The following DNAI4 variants were observed in gnomAD, a reference collection of about 807,000 sequenced individuals.
DNAI4 encodes dynein axonemal intermediate chain 4.
In DNAI4, 85 loss-of-function variants were observed where a neutral mutation model predicts 105.8. The observed-to-expected ratio is 0.80, with a 90% CI of 0.67 to 0.96. DNAI4 has a LOEUF of 0.96. Ranked by LOEUF, DNAI4 falls within the 40% of genes least tolerant of loss-of-function variation. The pLI, the probability that DNAI4 is intolerant of heterozygous loss-of-function variation, is 0.00. For synonymous variants in DNAI4, 352 were observed against 331.5 expected, an observed-to-expected ratio of 1.06 and a Z score of -0.67; for missense variants, 1,014 against 1,005.6, an observed-to-expected ratio of 1.01 and a Z score of -0.11.
chr1:66,890,848 GGAAGAA>G lies in DNAI4; in HGVS notation c.643+300_643+305del, dbSNP rs1250735436. On this transcript the variant is annotated intron_variant, in intron 4 of 16. Coordinates refer to ENST00000371026, the MANE Select transcript of DNAI4 (RefSeq NM_024763.5). The surrounding 1 kb of genome is among the most constrained non-coding windows in gnomAD (Gnocchi z 4.1). ...AAGAGGAAGAGGAAGAAAAGGAAGA[GGAAGAA>G]GAAGAGGAAGAGGAAGAAGAAGAAG... 3 of 353,164 alleles carry G rather than the reference GGAAGAA, an allele frequency of 8.5e-6. No individual in the cohort carries two copies. Among genetic ancestry groups the G allele is most frequent in the African/African-American group, 2.7e-5 (1 of 37,686 alleles). 21.9% of individuals were successfully genotyped at this position (353,164 alleles called of 1,614,324 possible). A position where few individuals can be genotyped will look rare whatever the true frequency, so the allele number is the denominator to read the frequency against.
intron 1 of DNAI4, among the ~76,000 whole-genome samples, chr1:66,916,332 T>G (rs1269872746): frequency 6.6e-6 from 1 of 152,228 alleles, no homozygotes; most frequent in African/African-American, 2.4e-5. Context: ...GGTTATTACA[T>G]CCATGTATCT....
At chr1:66,856,530 CAAAT>C (rs1218427868) in intron 7 of DNAI4, among the ~76,000 whole-genome samples, 1 of 151,262 alleles carries the variant, frequency 6.6e-6, no homozygotes, top group African/African-American at 2.4e-5. Context: ...CGATTATCAA[CAAAT>C]AAACATTTTT....
chr1:66,832,486 T>G (rs943180364), intron 13 of DNAI4, among the ~76,000 whole-genome samples: 3 of 152,076 alleles, frequency 2.0e-5, no homozygotes, highest in Non-Finnish European at 2.9e-5. Context: ...TCCAGACTGA[T>G]AGAGAGTACA....
At chr1:66,880,435 G>A (rs758982172) in intron 4 of DNAI4, among the ~76,000 whole-genome samples, 5 of 152,228 alleles carry the variant, frequency 3.3e-5, no homozygotes, top group Non-Finnish European at 5.9e-5. Flanking sequence ...GGACAATACA[G>A]TCTAGGCTGA....
chr1:66,824,531 C>T (rs978762073), intron 15 of DNAI4, among the ~76,000 whole-genome samples: 6 of 151,820 alleles, frequency 4.0e-5, no homozygotes, highest in African/African-American at 1.5e-4. Context: ...TTGATTCTTC[C>T]TACCCATGAG....
intron 13 of DNAI4, chr1:66,828,700 A>G (rs577495504): frequency 3.1e-4 from 47 of 152,172 alleles, no homozygotes; most frequent in African/African-American, 1.1e-3. Context: ...CTCTCAGTGT[A>G]TGATTTACCT....
At chr1:66,823,223 A>G (rs901806906) in intron 15 of DNAI4, among the ~76,000 whole-genome samples, 1 of 145,228 alleles carries the variant, frequency 6.9e-6, no homozygotes, top group African/African-American at 2.5e-5. Context: ...CCATGTCCCT[A>G]CAAAGGACAT....
intron 13 of DNAI4, 139 bp from the exon 14 acceptor site, chr1:66,828,049 G>C (rs1483424459): frequency 2.1e-6 from 1 of 471,166 alleles, no homozygotes; most frequent in Admixed American, 3.9e-5. Context: ...TACCAATCTT[G>C]TCTTTTTCTT....
Position 66,890,123 on chromosome 1 carries a change from A to G in DNAI4, c.643+1031T>C, listed in dbSNP as rs1478488080. 1 of 152,216 alleles carries G rather than the reference A, an allele frequency of 6.6e-6. No homozygotes were observed. Among genetic ancestry groups the G allele is most frequent in the East Asian group, 1.9e-4 (1 of 5,204 alleles). The allele number at this position is 152,216 out of a possible 1,614,324, so 9.4% of individuals were successfully genotyped here. Reference sequence around the variant, plus strand: ...GGAGTTCGAGACCAGCCTGGTCAACATAGTGAAAACCTCTATCTACAATAA... The same window carrying G: ...GGAGTTCGAGACCAGCCTGGTCAACGTAGTGAAAACCTCTATCTACAATAA... On this transcript the variant is annotated intron_variant, in intron 4 of 16. Transcript: ENST00000371026. This position sits in a 1 kb window ranked among gnomAD's most constrained non-coding sequence, Gnocchi z 4.1.
At chr1:66,817,687 A>T (rs1300001657) in intron 16 of DNAI4, among the ~76,000 whole-genome samples, 1 of 152,240 alleles carries the variant, frequency 6.6e-6, no homozygotes, top group Non-Finnish European at 1.5e-5. Flanking sequence ...TTAGAATTTA[A>T]TGATACAGTA....
At chr1:66,845,216 T>TAAAAAAAAAAAAAAAAAAAAAAA (rs1557918757) in intron 8 of DNAI4, among the ~76,000 whole-genome samples, 1 of 21,110 alleles carries the variant, frequency 4.7e-5, no homozygotes, top group Non-Finnish European at 1.1e-4. Flanking sequence ...AAAAGAAAAA[T>TAAAAAAAAAAAAAAAAAAAAAAA]TAAAAAAAAA....
intron 15 of DNAI4, among the ~76,000 whole-genome samples, chr1:66,824,306 A>T (rs1645701586): frequency 6.7e-6 from 1 of 148,822 alleles, no homozygotes; most frequent in Non-Finnish European, 1.5e-5. Context: ...TGTTTTGGTT[A>T]CTGTAGCCTT....
intron 4 of DNAI4, among the ~76,000 whole-genome samples, chr1:66,878,008 CCTCT>C (rs971233956): frequency 3.3e-5 from 5 of 152,074 alleles, no homozygotes; most frequent in Admixed American, 2.0e-4. Flanking sequence ...TATTTTCCCC[CCTCT>C]CTCTTTTACA....
Position 66,862,316 on chromosome 1 carries a change from C to A in DNAI4, c.941-14G>T. On this transcript the variant is annotated splice_polypyrimidine_tract_variant and intron_variant, in intron 6 of 16. Transcript: ENST00000371026. Reference sequence around the variant, plus strand: ...TGGACATTATGCCTAGATAAAGACACAGAAAGGTAAAAATTGTTTTAAACC... The same window carrying A: ...TGGACATTATGCCTAGATAAAGACAAAGAAAGGTAAAAATTGTTTTAAACC... The A allele has an allele frequency of 6.3e-7, 1 of 1,598,200 alleles. No homozygotes were observed. The highest frequency in any genetic ancestry group is 8.5e-7 in the Non-Finnish European group (1 of 1,175,272).
chr1:66,849,933 A>G (rs1031156612), intron 7 of DNAI4, among the ~76,000 whole-genome samples: 1 of 152,148 alleles, frequency 6.6e-6, no homozygotes, highest in Non-Finnish European at 1.5e-5. Flanking sequence ...CCATAACAAC[A>G]TATGTACCAT....
At chr1:66,894,861 C>A (rs993856854) in intron 2 of DNAI4, among the ~76,000 whole-genome samples, 1 of 152,078 alleles carries the variant, frequency 6.6e-6, no homozygotes, top group African/African-American at 2.4e-5. Context: ...AGTTTTTATG[C>A]AAGTGTCTTG....
At chr1:66,844,722 A>G (rs1646233708) in intron 8 of DNAI4, among the ~76,000 whole-genome samples, 1 of 152,206 alleles carries the variant, frequency 6.6e-6, no homozygotes. Flanking sequence ...AGAATTAATT[A>G]CAAAAGAAAA....
intron 3 of DNAI4, among the ~76,000 whole-genome samples, 166 bp downstream of exon 3, chr1:66,893,063 G>GAAAGAAAGAAAGAAAGAAAGAA (rs60123348): frequency 4.8e-4 from 43 of 89,546 alleles, no homozygotes; most frequent in African/African-American, 1.8e-3. Flanking sequence ...AAGAGAGAGA[G>GAAAGAAAGAAAGAAAGAAAGAA]AGAAAGAAAG....
At chr1:66,840,149 T>C (rs1315900191) in intron 9 of DNAI4, among the ~76,000 whole-genome samples, 2 of 152,238 alleles carry the variant, frequency 1.3e-5, no homozygotes, top group East Asian at 3.8e-4. Flanking sequence ...TGAATAAATA[T>C]ACCAATCGTA....
Sources: gnomAD v4.1 joint callset for allele counts (sites outside exome capture counted in the v4.1 genomes callset) on GRCh38, gnomAD v4.1.1 for gene constraint, Gnocchi (gnomAD v3.1) non-coding constraint, MANE v1.5 for transcripts, NCBI Gene and HGNC (gene_info 2026-07-23, HGNC 2026-07-21) for gene names.